The following N4BP1 variants were observed in gnomAD, a reference collection of about 807,000 sequenced individuals.
N4BP1 encodes the protein NEDD4-binding protein 1.
In N4BP1, 21 loss-of-function variants were observed where a neutral mutation model predicts 70.9. The ratio of observed to expected loss-of-function variants is 0.30; its 90% CI spans 0.21 to 0.43. N4BP1 has a LOEUF of 0.43. Ranked by LOEUF, N4BP1 falls within the 20% of genes least tolerant of loss-of-function variation. The pLI, the probability that N4BP1 is intolerant of heterozygous loss-of-function variation, is 1.00. For synonymous variants in N4BP1, 387 were observed against 394.6 expected (o/e 0.98, Z 0.23); for missense variants, 936 against 1,069.4 (o/e 0.88, Z 1.74).
chr16:48,602,325 A>G (rs1715374001), intron 1 of N4BP1, among the ~76,000 whole-genome samples: 1 of 152,196 alleles, frequency 6.6e-6, no homozygotes, highest in Non-Finnish European at 1.5e-5. Flanking sequence ...CCCCCCTACA[A>G]TTTTGTTCTT....
In N4BP1 at chr16:48,541,542, C is replaced by T. The variant is rs1479516810; in HGVS notation, c.*1362G>A. On this transcript the variant is annotated 3_prime_UTR_variant, in exon 7 of 7. Transcript: ENST00000262384. ...GGAGCACTCTGGGATGCCCCCAAGT[C>T]CCCTCACCATTTACAAACCAGCACT... The T allele has an allele frequency of 1.3e-5, 2 of 152,324 alleles. No homozygotes were observed. Among genetic ancestry groups the T allele is most frequent in the African/African-American group, 4.8e-5 (2 of 41,412 alleles). 9.4% of individuals were successfully genotyped at this position (152,324 alleles called of 1,614,324 possible).
rs1169865503 is a variant in N4BP1 at position 48,548,031 on chromosome 16, G to C, written c.2201C>G (p.Ser734Cys). 1 of 1,603,586 alleles carries C rather than the reference G, an allele frequency of 6.2e-7. No individual in the cohort carries two copies. Among genetic ancestry groups the C allele is most frequent in the East Asian group, 2.2e-5 (1 of 44,810 alleles). Reference protein sequence around the residue: ...NFREFVNESVSWREIITKRLL... With the variant: ...NFREFVNESVCWREIITKRLL... The stretch of plus-strand genomic sequence containing the variant: ...CCTTTTTGTAATAATTTCTCTCCAA[G>C]AGACTGACTCATTCACAAATTCTCT... The change falls in exon 5 of 7, where the codon TCT becomes TGT. Residue 734 changes from serine (S) to cysteine (C), a missense_variant. Physicochemically the swap from Ser to Cys is moderately radical, Grantham distance 112. This residue lies in a region of N4BP1 where 229 missense variants were observed against 343.5 expected (regional missense o/e 0.67). Coordinates refer to ENST00000262384, the MANE Select transcript of N4BP1 (RefSeq NM_153029.4).
chr16:48,591,530 G>A (rs1385684345), intron 1 of N4BP1, among the ~76,000 whole-genome samples: 1 of 151,396 alleles, frequency 6.6e-6, no homozygotes, highest in Non-Finnish European at 1.5e-5. Flanking sequence ...GCTAGAGTCT[G>A]ATAATAAGAG....
At chr16:48,599,747 T>C (rs1190128125) in intron 1 of N4BP1, among the ~76,000 whole-genome samples, 1 of 152,224 alleles carries the variant, frequency 6.6e-6, no homozygotes, top group Non-Finnish European at 1.5e-5. Context: ...AGTGGTCACA[T>C]GATATAGTTC....
intron 1 of N4BP1, among the ~76,000 whole-genome samples, chr16:48,572,508 A>T (rs560757187): frequency 1.3e-5 from 2 of 152,322 alleles, no homozygotes; most frequent in African/African-American, 4.8e-5. Context: ...ACCTATCCAC[A>T]TTACATATCG....
chr16:48,602,725 CA>C (rs1226848455), intron 1 of N4BP1, among the ~76,000 whole-genome samples: 1 of 151,946 alleles, frequency 6.6e-6, no homozygotes. Context: ...CCTTCATGAA[CA>C]AATCAATTGT....
intron 1 of N4BP1, among the ~76,000 whole-genome samples, chr16:48,599,440 CTG>C (rs1964465637): frequency 6.6e-6 from 1 of 152,228 alleles, no homozygotes; most frequent in Admixed American, 6.5e-5. Context: ...GCAGGAGAAA[CTG>C]TGTCAGTTAT....
intron 1 of N4BP1, among the ~76,000 whole-genome samples, chr16:48,607,069 G>C (rs1964593517): frequency 6.6e-6 from 1 of 152,016 alleles, no homozygotes; most frequent in African/African-American, 2.4e-5. Context: ...TGAGTCTCAA[G>C]GGGAGAAAAA....
rs144990067 is a variant in N4BP1, at chr16:48,604,570, AAAAC to A, written c.198+5201_198+5204del. Among the ~76,000 whole-genome samples, 1,313 of 142,916 alleles carry A rather than the reference AAAAC, an allele frequency of 9.2e-3. 14 individuals carry two copies. Among genetic ancestry groups the A allele is most frequent in the African/African-American group, 0.034 (1,174 of 34,116 alleles). 93.8% of individuals were successfully genotyped at this position (142,916 alleles called of 152,430 possible). A position where few individuals can be genotyped will look rare whatever the true frequency, so the allele number is the denominator to read the frequency against. ...AGTCCAAAGCTCAGGTCAAAAAAAC[AAAAC>A]AAACAAACAAAAAAAAACAAAAAAA... is the stretch of plus-strand genomic sequence containing the variant. On this transcript the variant is annotated intron_variant, in intron 1 of 6. Coordinates refer to ENST00000262384, the MANE Select transcript of N4BP1 (RefSeq NM_153029.4).
chr16:48,573,174 T>C (rs942241349), intron 1 of N4BP1, among the ~76,000 whole-genome samples: 1 of 150,844 alleles, frequency 6.6e-6, no homozygotes, highest in Non-Finnish European at 1.5e-5. Flanking sequence ...AAAACCCCCA[T>C]AAATGTAGTA....
At chr16:48,549,159 G>A (rs1963630694) in intron 4 of N4BP1, among the ~76,000 whole-genome samples, 1 of 152,186 alleles carries the variant, frequency 6.6e-6, no homozygotes, top group Non-Finnish European at 1.5e-5. Context: ...GGAATTAAAG[G>A]TAAAGACAAC....
intron 1 of N4BP1, among the ~76,000 whole-genome samples, chr16:48,604,597 A>G (rs980728693): frequency 3.4e-5 from 4 of 117,970 alleles, no homozygotes; most frequent in African/African-American, 1.8e-4. Flanking sequence ...AAAAACAAAA[A>G]AAGGTAAAAA....
At chr16:48,601,782 G>A (rs969729510) in intron 1 of N4BP1, among the ~76,000 whole-genome samples, 1 of 152,052 alleles carries the variant, frequency 6.6e-6, no homozygotes, top group Non-Finnish European at 1.5e-5. Context: ...CAATCAGGGC[G>A]CACTACAGAC....
intron 1 of N4BP1, among the ~76,000 whole-genome samples, chr16:48,582,129 A>C (rs1303722046): frequency 2.0e-5 from 3 of 152,242 alleles, no homozygotes; most frequent in African/African-American, 7.2e-5. Flanking sequence ...AAAATGAGCA[A>C]AAGATTTGAA....
At chr16:48,568,310 C>G (rs1225693701) in intron 1 of N4BP1, among the ~76,000 whole-genome samples, 2 of 152,210 alleles carry the variant, frequency 1.3e-5, no homozygotes, top group African/African-American at 4.8e-5. Context: ...TTCCTGGGTT[C>G]CTTTCCTCTC....
intron 1 of N4BP1, among the ~76,000 whole-genome samples, chr16:48,599,817 T>C (rs1442329333): frequency 6.6e-6 from 1 of 152,196 alleles, no homozygotes; most frequent in Non-Finnish European, 1.5e-5. Context: ...TTACCTCTTC[T>C]TCCATCCTTC....
At position 48,587,903 on chromosome 16, in the gene N4BP1, A is replaced by C. The variant is rs187113929; in HGVS notation, c.198+21872T>G. ...ATTTTAGCAGATTTTGGGAATTCTG[A>C]AGAGAGAGGAATTCATCTAGATGTA... On this transcript the variant is annotated intron_variant, in intron 1 of 6. Transcript: ENST00000262384. Among the ~76,000 whole-genome samples, 3 of 152,268 alleles carry C rather than the reference A, an allele frequency of 2.0e-5. No homozygotes were observed. The East Asian group carries it at 5.8e-4, about 29-fold the overall frequency.
intron 1 of N4BP1, among the ~76,000 whole-genome samples, chr16:48,591,751 TTAAGA>T (rs1964342410): frequency 6.6e-6 from 1 of 151,374 alleles, no homozygotes; most frequent in Non-Finnish European, 1.5e-5. Context: ...ATGAGAGAAC[TTAAGA>T]TAATTTCTAA....
intron 1 of N4BP1, among the ~76,000 whole-genome samples, chr16:48,604,204 C>T (rs1964542587): frequency 6.6e-6 from 1 of 152,238 alleles, no homozygotes; most frequent in South Asian, 2.1e-4. Flanking sequence ...GATGAACTAG[C>T]ACTGAGACTG....
Sources: gnomAD v4.1 joint callset for allele counts (sites outside exome capture counted in the v4.1 genomes callset) on GRCh38, gnomAD v4.1.1 for gene constraint, gnomAD v4.1.1 regional missense constraint, MANE v1.5 for transcripts, NCBI Gene and HGNC (gene_info 2026-07-23, HGNC 2026-07-21) for gene names.